ZZEF1: variants seen among roughly 807,000 people sequenced by gnomAD.
The protein encoded by ZZEF1 is zinc finger ZZ-type and EF-hand domain-containing protein 1.
A neutral mutation model predicts 342.8 loss-of-function variants in ZZEF1; 157 were observed. The observed-to-expected ratio is 0.46, with a 90% CI of 0.40 to 0.52. The LOEUF is 0.52. Ranked by LOEUF, ZZEF1 falls within the 20% of genes least tolerant of loss-of-function variation. ZZEF1 has a pLI of 0.00. For synonymous variants in ZZEF1, 1,505 were observed against 1,429.1 expected (o/e 1.05, Z -1.20); for missense variants, 3,480 against 3,725.6 (o/e 0.93, Z 1.72).
chr17:4,096,731 C>G, intron 9 of ZZEF1, 31 bp from the exon 10 acceptor site: 1 of 1,578,464 alleles, frequency 6.3e-7, no homozygotes, highest in Non-Finnish European at 8.7e-7. Context: ...AGTTAGGGAA[C>G]TAACCCATTT....
intron 6 of ZZEF1, among the ~76,000 whole-genome samples, chr17:4,107,303 ATCT>A (rs1311692636): frequency 6.6e-6 from 1 of 152,158 alleles, no homozygotes; most frequent in African/African-American, 2.4e-5. Context: ...CACTTGCCAC[ATCT>A]TCAAAAAAAA....
At chr17:4,048,997 C>A (rs933914389) in intron 37 of ZZEF1, among the ~76,000 whole-genome samples, 1 of 151,482 alleles carries the variant, frequency 6.6e-6, no homozygotes, top group Non-Finnish European at 1.5e-5. Flanking sequence ...GGATTACAGG[C>A]CACTGTGCCT....
intron 1 of ZZEF1, among the ~76,000 whole-genome samples, chr17:4,139,166 G>A (rs55639603): frequency 7.2e-6 from 1 of 138,612 alleles, no homozygotes; most frequent in Non-Finnish European, 1.5e-5. Context: ...CATGAGAAAA[G>A]GTGTGTTGTA....
At chr17:4,118,077 C>A (rs1022792695) in intron 2 of ZZEF1, among the ~76,000 whole-genome samples, 3 of 152,142 alleles carry the variant, frequency 2.0e-5, no homozygotes, top group African/African-American at 7.2e-5. Flanking sequence ...TAGGGAACCC[C>A]CCATGAGGCC....
intron 5 of ZZEF1, 97 bp downstream of exon 5, chr17:4,112,512 A>G: frequency 8.1e-7 from 1 of 1,234,732 alleles, no homozygotes; most frequent in Non-Finnish European, 1.2e-6. Flanking sequence ...CGTCCTAAGA[A>G]GCAAACCGAA....
At chr17:4,129,062 C>G (rs9908232) in intron 1 of ZZEF1, among the ~76,000 whole-genome samples, 1 of 151,848 alleles carries the variant, frequency 6.6e-6, no homozygotes, top group Non-Finnish European at 1.5e-5. Flanking sequence ...CCACCGCACC[C>G]GGCCCAAAAA....
intron 45 of ZZEF1, 85 bp from the exon 46 acceptor site, chr17:4,019,854 C>T: frequency 1.0e-6 from 1 of 996,132 alleles, no homozygotes; most frequent in South Asian, 1.7e-5. Flanking sequence ...ACTGAGAAGA[C>T]AATATAGCAA....
At chr17:4,019,812 C>T in intron 45 of ZZEF1, 43 bp from the exon 46 acceptor site, 1 of 1,459,888 alleles carries the variant, frequency 6.8e-7, no homozygotes. Flanking sequence ...ATTAACAGTG[C>T]TTCAATACGG....
chr17:4,085,334 A>G (rs754772445), intron 16 of ZZEF1, among the ~76,000 whole-genome samples: 1 of 152,118 alleles, frequency 6.6e-6, no homozygotes, highest in Admixed American at 6.6e-5. Context: ...TCACTATACT[A>G]TTTAGTTAGC....
Position 4,142,639 on chromosome 17 carries a change from T to G in ZZEF1, c.257A>C (p.Glu86Ala). ...AGACTCTTCGCCGCGGCCCAGCCGC[T>G]CTTCCAGCCAGCGAAACAACGCGCC... is the stretch of plus-strand genomic sequence containing the variant. ...HRGALFRWLE[E>A]RLGRGEESVT... The change falls in exon 1 of 55, where the codon GAG becomes GCG. Residue 86 changes from glutamate (E) to alanine (A), a missense_variant. Around this residue, in one of 5 missense-constraint regions of ZZEF1, gnomAD observed 416 missense variants for 374.2 expected, o/e 1.11. Coordinates refer to ENST00000381638, the MANE Select transcript of ZZEF1 (RefSeq NM_015113.4). 1 of 1,606,604 alleles carries G rather than the reference T, an allele frequency of 6.2e-7. No individual in the cohort carries two copies. The highest frequency in any genetic ancestry group is 1.1e-5 in the South Asian group (1 of 91,036).
At chr17:4,007,021 C>A in intron 54 of ZZEF1, 51 bp from the exon 55 acceptor site, 1 of 1,485,764 alleles carries the variant, frequency 6.7e-7, no homozygotes. Context: ...CTCCCTCATT[C>A]AGTGAGTGCT....
chr17:4,055,844 A>G lies in ZZEF1; in HGVS notation c.5295+372T>C, dbSNP rs376824061. 2.2e-4 allele frequency among the ~76,000 whole-genome samples: 33 copies of G among 152,262 alleles called. 1 individual carries two copies. The East Asian group carries it at 4.1e-3, about 19-fold the overall frequency. ...ACCAGGGACCAATTTCGTAGAAGAC[A>G]ATTTCTGCACAGGACTGGGTGGGGG... On this transcript the variant is annotated intron_variant, in intron 33 of 54. Transcript: ENST00000381638.
rs748739381 is a variant in ZZEF1 at position 4,017,770 on chromosome 17, TTACA to T, written c.7642-44_7642-41del. On this transcript the variant is annotated intron_variant, in intron 47 of 54. Coordinates refer to ENST00000381638, the MANE Select transcript of ZZEF1 (RefSeq NM_015113.4). This position sits in a 1 kb window ranked among gnomAD's most constrained non-coding sequence, Gnocchi z 5.1. The stretch of plus-strand genomic sequence containing the variant: ...CCACCATTACAGAGGTCTAGCCTTC[TTACA>T]GTGGTGGTATGGGGTGGGGGATGGG... The T allele has an allele frequency of 5.6e-4, 899 of 1,613,118 alleles. No individual in the cohort carries two copies. Among genetic ancestry groups the T allele is most frequent in the Non-Finnish European group, 7.3e-4 (864 of 1,179,678 alleles).
intron 35 of ZZEF1, 133 bp downstream of exon 35, chr17:4,051,838 T>G (rs923806581): frequency 1.1e-6 from 1 of 878,500 alleles, no homozygotes; most frequent in African/African-American, 1.7e-5. Flanking sequence ...GTTCACTGTG[T>G]TAGTCTCTTT....
rs1463342682 is a variant in ZZEF1 at position 4,092,625 on chromosome 17, C to CG, written c.1914-1796_1914-1795insC. On this transcript the variant is annotated intron_variant, in intron 11 of 54. Transcript: ENST00000381638. ...TGCCCGGCAAAATGTCCCTTCTTAA[C>CG]ATAAGTCTTTCTTGGCATAAACCTT... 1.9e-4 allele frequency among the ~76,000 whole-genome samples: 29 copies of CG among 152,210 alleles called. 1 individual carries two copies. The East Asian group carries it at 5.4e-3, about 28-fold the overall frequency.
chr17:4,102,165 A>G (rs1320865350), intron 9 of ZZEF1, 152 bp downstream of exon 9: 1 of 628,610 alleles, frequency 1.6e-6, no homozygotes, highest in Non-Finnish European at 2.8e-6. Context: ...TTACAACTAC[A>G]CCACACAAAT....
intron 33 of ZZEF1, 124 bp from the exon 34 acceptor site, chr17:4,054,319 G>A: frequency 1.9e-6 from 2 of 1,071,394 alleles, no homozygotes; most frequent in South Asian, 3.4e-5. Flanking sequence ...GCTAGGATTT[G>A]ATAATGAATA....
At chr17:4,028,409 G>A (rs1270123809) in intron 42 of ZZEF1, among the ~76,000 whole-genome samples, 4 of 152,028 alleles carry the variant, frequency 2.6e-5, no homozygotes, top group Non-Finnish European at 4.4e-5. Context: ...TTAGCTGGAT[G>A]TAGTGGCAGA....
Position 4,007,985 on chromosome 17 carries a change from C to T in ZZEF1, c.8805+898G>A, listed in dbSNP as rs938625. 9.0e-4 allele frequency among the ~76,000 whole-genome samples: 137 copies of T among 151,938 alleles called. 1 individual carries two copies. Among genetic ancestry groups the T allele is most frequent in the African/African-American group, 2.9e-3 (122 of 41,420 alleles). On this transcript the variant is annotated intron_variant, in intron 54 of 54. Transcript: ENST00000381638. ...GGGTGGGGGTGTTGGGCCACACACG[C>T]GATGATATTCAAGGAGTCCAAGGTT...
Sources: gnomAD v4.1 joint callset for allele counts (sites outside exome capture counted in the v4.1 genomes callset) on GRCh38, gnomAD v4.1.1 for gene constraint, gnomAD v4.1.1 regional missense constraint, Gnocchi (gnomAD v3.1) non-coding constraint, MANE v1.5 for transcripts, NCBI Gene and HGNC (gene_info 2026-07-23, HGNC 2026-07-21) for gene names.